TENM4: variants seen among roughly 807,000 people sequenced by gnomAD.
TENM4 encodes teneurin transmembrane protein 4, also known as teneurin-4.
In TENM4, 82 loss-of-function variants were observed where a neutral mutation model predicts 243.3. The observed-to-expected ratio is 0.34, with a 90% CI of 0.28 to 0.40. The LOEUF (loss-of-function observed/expected upper bound fraction) is 0.40, where lower values mean the gene tolerates loss of function less well. Ranked by LOEUF, TENM4 falls within the 10% of genes least tolerant of loss-of-function variation. The probability of loss-of-function intolerance (pLI) is 1.00; values close to 1 mark genes in which losing one functional copy is unlikely to be tolerated. For missense variants in TENM4, 3,138 were observed against 3,673.3 expected, an observed-to-expected ratio of 0.85 and a Z score of 3.77; for synonymous variants, 1,412 against 1,456.3, an observed-to-expected ratio of 0.97 and a Z score of 0.69.
chr11:79,342,569 C>A (rs1401304753), intron 1 of TENM4, among the ~76,000 whole-genome samples: 1 of 152,162 alleles, frequency 6.6e-6, no homozygotes, highest in East Asian at 1.9e-4. Context: ...GCTCCAAACC[C>A]ATCATCTAGG....
chr11:78,778,709 A>C, intron 16 of TENM4, 81 bp from the exon 17 acceptor site: 3 of 1,338,158 alleles, frequency 2.2e-6, no homozygotes, highest in Non-Finnish European at 3.2e-6. Flanking sequence ...GCCAGATGCT[A>C]CACAGACAAA....
intron 1 of TENM4, among the ~76,000 whole-genome samples, chr11:79,352,676 C>T (rs498820): frequency 0.78 from 119,065 of 152,156 alleles, 46,950 homozygotes; most frequent in African/African-American, 0.86. Flanking sequence ...CTCTCTTTGC[C>T]GGCCAGCTGT....
At chr11:79,265,421 C>T (rs1291710153) in intron 2 of TENM4, among the ~76,000 whole-genome samples, 6 of 152,182 alleles carry the variant, frequency 3.9e-5, no homozygotes, top group African/African-American at 1.4e-4. Flanking sequence ...ATACATATCA[C>T]ATTTCAAAGA....
intron 4 of TENM4, among the ~76,000 whole-genome samples, chr11:79,125,214 A>T (rs1030793599): frequency 6.6e-6 from 1 of 152,076 alleles, no homozygotes; most frequent in African/African-American, 2.4e-5. Flanking sequence ...GGGTTTAGTG[A>T]CTCTATACCT....
chr11:78,824,349 T>TG (rs887168564), intron 12 of TENM4, among the ~76,000 whole-genome samples: 21 of 152,046 alleles, frequency 1.4e-4, no homozygotes, highest in African/African-American at 5.1e-4. Context: ...CAAAAGCGAG[T>TG]GGGGGTAGGT....
At chr11:79,204,970 G>C (rs1863819159) in intron 3 of TENM4, among the ~76,000 whole-genome samples, 1 of 152,172 alleles carries the variant, frequency 6.6e-6, no homozygotes, top group Non-Finnish European at 1.5e-5. Flanking sequence ...TCTATTGTTT[G>C]TGGATACTGT....
At chr11:79,037,015 CAAAAAAAAAAAAAAA>C in intron 6 of TENM4, among the ~76,000 whole-genome samples, 1 of 91,150 alleles carries the variant, frequency 1.1e-5, no homozygotes, top group South Asian at 4.6e-4. Flanking sequence ...GACTCCATCT[CAAAAAAAAAAAAAAA>C]AAAAAAAAAA....
At position 78,708,442 on chromosome 11, in the gene TENM4, C is replaced by T; in HGVS notation, c.4128G>A (p.Gly1376=). The change falls in exon 27 of 34, where the codon GGG becomes GGA. Residue 1376 remains glycine (G), a synonymous_variant. Transcript: ENST00000278550. ...GTMIRRIDQN[G]IISTLLGSND... Reference sequence around the variant, plus strand: ...TAGAGCCGAGCAGGGTGGAGATGATCCCATTCTGATCGATGCGTCTGATCA... The same window carrying T: ...TAGAGCCGAGCAGGGTGGAGATGATTCCATTCTGATCGATGCGTCTGATCA... 4.3e-6 allele frequency: 7 copies of T among 1,614,016 alleles called. No homozygotes were observed. Among genetic ancestry groups the T allele is most frequent in the Non-Finnish European group, 5.9e-6 (7 of 1,179,902 alleles).
rs115872480 is a variant in TENM4, at chr11:78,845,919, T to C, written c.1681+8185A>G. On this transcript the variant is annotated intron_variant, in intron 12 of 33. Transcript: ENST00000278550. The stretch of plus-strand genomic sequence containing the variant: ...CCTTCAACAGGAGTGAGTACCAGGT[T>C]AGAGATGTTCTATAAATAAGTCAGA... Among the ~76,000 whole-genome samples, 808 of 152,268 alleles carry C rather than the reference T, an allele frequency of 5.3e-3. 6 individuals carry two copies. Among genetic ancestry groups the C allele is most frequent in the African/African-American group, 0.018 (742 of 41,556 alleles).
chr11:78,931,094 A>G (rs1412737882), intron 6 of TENM4, among the ~76,000 whole-genome samples: 4 of 152,056 alleles, frequency 2.6e-5, no homozygotes, highest in Non-Finnish European at 5.9e-5. Context: ...CGGCCTGTTA[A>G]CTCTCCCTTT....
At chr11:78,951,173 C>A (rs561500571) in intron 6 of TENM4, among the ~76,000 whole-genome samples, 2 of 152,346 alleles carry the variant, frequency 1.3e-5, no homozygotes, top group South Asian at 4.1e-4. Context: ...AGGAAGAGAG[C>A]CTTGCCTTGT....
At chr11:78,912,263 G>A (rs1856205345) in intron 6 of TENM4, among the ~76,000 whole-genome samples, 2 of 152,146 alleles carry the variant, frequency 1.3e-5, no homozygotes, top group Admixed American at 1.3e-4. Flanking sequence ...GGCTCACCCC[G>A]ACTTCCAGTG....
chr11:79,239,626 A>C (rs1342189686), intron 2 of TENM4, among the ~76,000 whole-genome samples: 1 of 152,200 alleles, frequency 6.6e-6, no homozygotes, highest in African/African-American at 2.4e-5. Context: ...AATACAAGAC[A>C]TGTGTCCCTG....
intron 6 of TENM4, among the ~76,000 whole-genome samples, chr11:79,037,125 G>A (rs930130695): frequency 5.3e-5 from 8 of 152,062 alleles, no homozygotes; most frequent in South Asian, 2.1e-4. Context: ...GGAAAGGGGC[G>A]ATTGTATTAC....
chr11:79,299,828 A>T (rs73512715), intron 1 of TENM4, among the ~76,000 whole-genome samples: 1,823 of 152,302 alleles, frequency 0.012, 41 homozygotes, highest in African/African-American at 0.041. Context: ...CTAAGCTTCC[A>T]TTTCCTGTCA....
intron 3 of TENM4, among the ~76,000 whole-genome samples, chr11:79,170,430 G>C (rs895567173): frequency 1.3e-5 from 2 of 152,158 alleles, no homozygotes; most frequent in African/African-American, 4.8e-5. Context: ...CTAACCCCTA[G>C]TACCTTAGAA....
chr11:79,003,416 TC>T (rs957949605), intron 6 of TENM4, among the ~76,000 whole-genome samples: 5 of 151,326 alleles, frequency 3.3e-5, no homozygotes, highest in African/African-American at 1.2e-4. Context: ...GGGGAAGGTC[TC>T]CTACAAAAAT....
intron 2 of TENM4, among the ~76,000 whole-genome samples, chr11:79,255,310 TG>T (rs1430541775): frequency 6.6e-6 from 1 of 152,290 alleles, no homozygotes; most frequent in East Asian, 1.9e-4. Flanking sequence ...GTGAAATGCA[TG>T]GGATGCTGAC....
intron 1 of TENM4, among the ~76,000 whole-genome samples, chr11:79,399,162 T>C (rs1858406023): frequency 6.6e-6 from 1 of 152,156 alleles, no homozygotes; most frequent in Non-Finnish European, 1.5e-5. Flanking sequence ...ATTCCCAGCA[T>C]TTTTTGTGCC....
Sources: allele counts gnomAD v4.1 joint callset (sites outside exome capture counted in the v4.1 genomes callset), GRCh38; gene constraint gnomAD v4.1.1; transcripts MANE v1.5; gene names NCBI Gene and HGNC (gene_info 2026-07-23, HGNC 2026-07-21).